The following ZNF585B variants were observed in gnomAD, a reference collection of about 807,000 sequenced individuals.
The protein encoded by ZNF585B is zinc finger protein 585B, also known as zinc finger protein 41-like protein.
A neutral mutation model predicts 14.0 loss-of-function variants in ZNF585B; 7 were observed. That is an observed-to-expected ratio of 0.50 (90% CI 0.28 to 0.94). ZNF585B has a LOEUF of 0.94. ZNF585B is among the 40% of genes least tolerant of loss of function. ZNF585B has a pLI of 0.09. For synonymous variants in ZNF585B, 290 were observed against 317.3 expected (o/e 0.91, Z 0.91); for missense variants, 750 against 924.4 (o/e 0.81, Z 2.45).
chr19:37,199,430 TG>T (rs34213131), intron 2 of ZNF585B: 63,225 of 444,630 alleles, frequency 0.14, 5,224 homozygotes, highest in African/African-American at 0.26. Flanking sequence ...CAGGCTAAGG[TG>T]GGGGGATCGA....
Position 37,184,460 on chromosome 19 carries a change from GA to G in ZNF585B, c.*766del, listed in dbSNP as rs1568504978. ...AGAAAGAAGGAAAGAAAGAAAGAAA[GA>G]AAGAAAGAAAGAAAGAAAGAAAGAA... On this transcript the variant is annotated 3_prime_UTR_variant, in exon 5 of 5. Transcript: ENST00000532828. 19 of 103,166 alleles carry G rather than the reference GA, an allele frequency of 1.8e-4. No individual in the cohort carries two copies. The highest frequency in any genetic ancestry group is 3.0e-4 in the Non-Finnish European group (15 of 50,212). 6.4% of individuals were successfully genotyped at this position (103,166 alleles called of 1,614,324 possible). A position where few individuals can be genotyped will look rare whatever the true frequency, so the allele number is the denominator to read the frequency against.
chr19:37,195,798 G>C (rs182970280), intron 2 of ZNF585B: 1 of 152,086 alleles, frequency 6.6e-6, no homozygotes. Flanking sequence ...AAGCTGAGGC[G>C]GGCAGATCAC....
In ZNF585B at chr19:37,189,747, T is replaced by A. The variant is rs1390248273; in HGVS notation, c.206A>T (p.Gln69Leu). The change falls in exon 4 of 5, where the codon CAA (glutamine) becomes CTA (leucine). Residue 69 changes from glutamine to leucine, a missense_variant. Physicochemically the swap from Gln to Leu is moderately radical, Grantham distance 113. Coordinates refer to ENST00000532828, the MANE Select transcript of ZNF585B (RefSeq NM_152279.4). ...CATGACCACCTCTGGTTTAGGAACTTGATACCCTGTTCATGGGAAATGATA... is the reference window on the plus strand; with the variant it reads ...CATGACCACCTCTGGTTTAGGAACTAGATACCCTGTTCATGGGAAATGATA... The part of the protein sequence containing the change: ...TYSHLLSVGY[Q>L]VPKPEVVMLE... 4 of 1,614,046 alleles carry A rather than the reference T, an allele frequency of 2.5e-6. No homozygotes were observed. The highest frequency in any genetic ancestry group is 3.4e-6 in the Non-Finnish European group (4 of 1,180,034).
chr19:37,196,285 G>T (rs1346366176), intron 2 of ZNF585B, among the ~76,000 whole-genome samples: 1 of 152,034 alleles, frequency 6.6e-6, no homozygotes, highest in African/African-American at 2.4e-5. Flanking sequence ...TGAAATTCAT[G>T]GGGGAACCCT....
chr19:37,200,176 C>T (rs1972515953), intron 2 of ZNF585B, among the ~76,000 whole-genome samples: 1 of 151,816 alleles, frequency 6.6e-6, no homozygotes, highest in Non-Finnish European at 1.5e-5. Flanking sequence ...AATAAATTGG[C>T]AGAACTCAGT....
chr19:37,206,082 A>C (rs183783529), intron 2 of ZNF585B, among the ~76,000 whole-genome samples: 16 of 151,688 alleles, frequency 1.1e-4, no homozygotes, highest in Admixed American at 2.0e-4. Context: ...CTCCATCAAT[A>C]AATAAATAAA....
chr19:37,209,875 C>T (rs1350309749), intron 1 of ZNF585B, among the ~76,000 whole-genome samples: 2 of 151,834 alleles, frequency 1.3e-5, no homozygotes, highest in Non-Finnish European at 2.9e-5. Context: ...GCCACCACGC[C>T]CGGCTAATTT....
At chr19:37,201,089 CAA>C (rs34379718) in intron 2 of ZNF585B, among the ~76,000 whole-genome samples, 63 of 106,650 alleles carry the variant, frequency 5.9e-4, no homozygotes, top group African/African-American at 1.6e-3. Context: ...GACTCCGTCT[CAA>C]AAAAAAAAAA....
At chr19:37,197,682 G>A (rs1972482222) in intron 2 of ZNF585B, among the ~76,000 whole-genome samples, 1 of 152,152 alleles carries the variant, frequency 6.6e-6, no homozygotes, top group Non-Finnish European at 1.5e-5. Flanking sequence ...TCTAACTGGC[G>A]TGAGATGGTA....
intron 2 of ZNF585B, among the ~76,000 whole-genome samples, chr19:37,202,219 T>G (rs1250222358): frequency 6.6e-6 from 1 of 152,118 alleles, no homozygotes; most frequent in African/African-American, 2.4e-5. Context: ...GCCAGGCTGG[T>G]CTCAAACTCC....
At position 37,186,538 on chromosome 19, in the gene ZNF585B, C is replaced by G. The variant is rs769400218; in HGVS notation, c.999G>C (p.Lys333Asn). The change falls in exon 5 of 5, where the codon AAG (lysine) becomes AAC (asparagine). Residue 333 changes from lysine (K) to asparagine (N), a missense_variant. Lys to Asn is a moderately conservative substitution (Grantham distance 94). Around this residue, in one of 2 missense-constraint regions of ZNF585B, gnomAD observed 517 missense variants for 570.3 expected, o/e 0.91. Transcript: ENST00000532828. ...TGAGGTTGGAATTATTGCTGAAGACCTTCCCATATTCGGTACATATATAGG... is the reference window on the plus strand; with the variant it reads ...TGAGGTTGGAATTATTGCTGAAGACGTTCCCATATTCGGTACATATATAGG... ...VKPYICTEYG[K>N]VFSNNSNLIT... 6 of 1,614,188 alleles carry G rather than the reference C, an allele frequency of 3.7e-6. No homozygotes were observed. In the South Asian group the frequency reaches 6.6e-5, roughly 18 times the overall value.
At position 37,189,439 on chromosome 19, in the gene ZNF585B, C is replaced by A. The variant is rs1031403999; in HGVS notation, c.292+222G>T. The A allele has an allele frequency of 5.6e-6, 3 of 538,850 alleles. No homozygotes were observed. The East Asian group carries it at 9.7e-5, about 17-fold the overall frequency. The allele number at this position is 538,850 out of a possible 1,614,324, so 33.4% of individuals were successfully genotyped here. A position where few individuals can be genotyped will look rare whatever the true frequency, so the allele number is the denominator to read the frequency against. On this transcript the variant is annotated intron_variant, in intron 4 of 4. Transcript: ENST00000532828. ...GAAAAGGAATATAATAAAGATTTATCTTTAATGAGGCTGACTGGCACATGA... is the reference window on the plus strand; with the variant it reads ...GAAAAGGAATATAATAAAGATTTATATTTAATGAGGCTGACTGGCACATGA...
At chr19:37,198,885 T>C (rs1172769986) in intron 2 of ZNF585B, 3 of 1,071,068 alleles carry the variant, frequency 2.8e-6, no homozygotes, top group South Asian at 3.4e-5. Context: ...GAAAGAAAAG[T>C]ACTAAAGATA....
intron 4 of ZNF585B, among the ~76,000 whole-genome samples, chr19:37,189,293 T>TA (rs1972373581): frequency 6.6e-6 from 1 of 152,006 alleles, no homozygotes; most frequent in South Asian, 2.1e-4. Flanking sequence ...AAAAGGGGTG[T>TA]AGCACGAGTG....
chr19:37,185,878 G>T lies in ZNF585B; in HGVS notation c.1659C>A (p.His553Gln). ...IHTGERQYEC[H>Q]ECGKAFNQKS... ...TCTGGTTGAAGGCTTTCCCACATTC[G>T]TGGCATTCATACTGTCTCTCTCCAG... The change falls in exon 5 of 5, where the codon CAC (histidine) becomes CAA (glutamine). Residue 553 changes from histidine (H) to glutamine (Q), a missense_variant. Coordinates refer to ENST00000532828, the MANE Select transcript of ZNF585B (RefSeq NM_152279.4). 6.2e-7 allele frequency: 1 copy of T among 1,613,528 alleles called. No individual in the cohort carries two copies. The highest frequency in any genetic ancestry group is 1.1e-5 in the South Asian group (1 of 90,946).
chr19:37,193,812 C>T (rs1182579099), intron 2 of ZNF585B, among the ~76,000 whole-genome samples: 1 of 152,106 alleles, frequency 6.6e-6, no homozygotes, highest in East Asian at 1.9e-4. Flanking sequence ...AAGTAAGAGA[C>T]TTACGAATCA....
intron 4 of ZNF585B, 118 bp downstream of exon 4, chr19:37,189,543 G>C: frequency 9.0e-7 from 1 of 1,113,452 alleles, no homozygotes; most frequent in Non-Finnish European, 1.3e-6. Context: ...AAAAAATTCA[G>C]AGCCTTACTG....
At chr19:37,192,460 T>C (rs1199084000) in intron 2 of ZNF585B, among the ~76,000 whole-genome samples, 8 of 151,650 alleles carry the variant, frequency 5.3e-5, no homozygotes, top group Non-Finnish European at 7.4e-5. Flanking sequence ...TGAGCCACGA[T>C]TGCATCACCG....
At chr19:37,204,320 C>T (rs1568512018) in intron 2 of ZNF585B, among the ~76,000 whole-genome samples, 1 of 152,168 alleles carries the variant, frequency 6.6e-6, no homozygotes, top group African/African-American at 2.4e-5. Context: ...GAGTTAGCCT[C>T]GTACTATCAA....
Sources: gnomAD v4.1 joint callset for allele counts (sites outside exome capture counted in the v4.1 genomes callset) on GRCh38, gnomAD v4.1.1 for gene constraint, gnomAD v4.1.1 regional missense constraint, MANE v1.5 for transcripts, NCBI Gene and HGNC (gene_info 2026-07-23, HGNC 2026-07-21) for gene names.